NAV1: variants seen among roughly 807,000 people sequenced by gnomAD.
NAV1 encodes neuron navigator 1, also known as pore membrane and/or filament interacting like protein 3.
NAV1 carries 18 observed loss-of-function variants against 175.2 expected under a neutral mutation model. The ratio of observed to expected loss-of-function variants is 0.10; its 90% CI spans 0.07 to 0.15. The LOEUF (loss-of-function observed/expected upper bound fraction) is 0.15, where lower values mean the gene tolerates loss of function less well. Ranked by LOEUF, NAV1 falls within the 10% of genes least tolerant of loss-of-function variation. The probability of loss-of-function intolerance (pLI) is 1.00; values close to 1 mark genes in which losing one functional copy is unlikely to be tolerated. For missense variants in NAV1, 1,731 were observed against 2,436.6 expected (o/e 0.71, Z 6.10); for synonymous variants, 897 against 978.7 (o/e 0.92, Z 1.56).
chr1:201,649,959 G>T (rs914782525), intron 1 of NAV1, among the ~76,000 whole-genome samples: 2 of 152,142 alleles, frequency 1.3e-5, no homozygotes, highest in African/African-American at 4.8e-5. Flanking sequence ...TCCCCGCGGT[G>T]TGAGGATTCT....
intron 29 of NAV1, 61 bp downstream of exon 33, chr1:201,817,346 C>A: frequency 6.7e-7 from 1 of 1,493,692 alleles, no homozygotes; most frequent in Non-Finnish European, 9.1e-7. Flanking sequence ...TATTGACCAG[C>A]AGGGTGGCTC....
At chr1:201,605,106 G>T (rs996821764) in intron 2 of NAV1, among the ~76,000 whole-genome samples, 1 of 151,754 alleles carries the variant, frequency 6.6e-6, no homozygotes, top group Non-Finnish European at 1.5e-5. Context: ...GCACCAGGGA[G>T]GTTGCTTGTT....
chr1:201,685,596 G>GTTA (rs1365748209), intron 1 of NAV1, among the ~76,000 whole-genome samples: 2 of 152,306 alleles, frequency 1.3e-5, no homozygotes, highest in East Asian at 1.9e-4. Context: ...ACTGGGATCC[G>GTTA]TTACCGCCTG....
chr1:201,771,463 C>T (rs1437357325), intron 3 of NAV1, among the ~76,000 whole-genome samples: 1 of 145,688 alleles, frequency 6.9e-6, no homozygotes, highest in Non-Finnish European at 1.5e-5. Context: ...CACACCATTG[C>T]ACTCCAGCCT....
chr1:201,739,976 G>A (rs1673299841), intron 3 of NAV1: 4 of 1,441,198 alleles, frequency 2.8e-6, no homozygotes, highest in Non-Finnish European at 2.7e-6. Flanking sequence ...AGCGGTCCTG[G>A]GGGGCGCTGG....
At chr1:201,809,330 G>C (rs1288005642) in intron 21 of NAV1, 69 bp downstream of exon 25, 2 of 1,596,104 alleles carry the variant, frequency 1.3e-6, no homozygotes, top group Non-Finnish European at 1.7e-6. Context: ...AGAAAATCTG[G>C]ACCCTGGGTA....
chr1:201,552,833 CG>C (rs1292246990), intron 1 of NAV1, among the ~76,000 whole-genome samples: 1 of 152,170 alleles, frequency 6.6e-6, no homozygotes, highest in Non-Finnish European at 1.5e-5. Context: ...GACTATACTT[CG>C]GGGTAGATTT....
chr1:201,597,684 C>T (rs1667393530), intron 2 of NAV1, among the ~76,000 whole-genome samples: 2 of 152,326 alleles, frequency 1.3e-5, no homozygotes, highest in African/African-American at 4.8e-5. Flanking sequence ...GCACAGGAGC[C>T]GGGTTTCCTC....
At chr1:201,686,607 CT>C (rs1229929759) in intron 1 of NAV1, among the ~76,000 whole-genome samples, 1 of 152,190 alleles carries the variant, frequency 6.6e-6, no homozygotes, top group African/African-American at 2.4e-5. Context: ...ATCTTGTGAT[CT>C]TGTTTCAAGA....
chr1:201,758,370 T>C (rs1395274066), intron 3 of NAV1, among the ~76,000 whole-genome samples: 1 of 152,256 alleles, frequency 6.6e-6, no homozygotes, highest in African/African-American at 2.4e-5. Flanking sequence ...CTTTGGAAAC[T>C]GTAGGAACCA....
intron 11 of NAV1, among the ~76,000 whole-genome samples, chr1:201,790,015 G>A (rs1444266671): frequency 6.6e-6 from 1 of 152,198 alleles, no homozygotes; most frequent in Admixed American, 6.5e-5. Flanking sequence ...CAGCTCCTGA[G>A]CAACTCTGGT....
chr1:201,809,829 G>C lies in NAV1; in HGVS notation c.4402-117G>C, dbSNP rs1397038683. On this transcript the variant is annotated intron_variant, in intron 22 of 29. Transcript: ENST00000367296. ...TATGGAGAAATGCTACCTAGGAAAA[G>C]CATATGCTCTGCACTTTCTCCATCT... The C allele has an allele frequency of 2.9e-6, 3 of 1,025,490 alleles. No homozygotes were observed. In the African/African-American group the frequency reaches 4.8e-5, roughly 16 times the overall value. 63.5% of individuals were successfully genotyped at this position (1,025,490 alleles called of 1,614,324 possible). A position where few individuals can be genotyped will look rare whatever the true frequency, so the allele number is the denominator to read the frequency against.
chr1:201,730,228 G>T (rs1289611595), intron 3 of NAV1, among the ~76,000 whole-genome samples: 1 of 152,158 alleles, frequency 6.6e-6, no homozygotes. Context: ...CACTAATATG[G>T]CATTATCTTA....
At position 201,750,566 on chromosome 1, in the gene NAV1, C is replaced by G. The variant is rs1674042815; in HGVS notation, c.1227-29855C>G. On this transcript the variant is annotated intron_variant, in intron 3 of 29. Transcript: ENST00000367296. This position sits in a 1 kb window ranked among gnomAD's most constrained non-coding sequence, Gnocchi z 4.1. ...GGTCTTTTCCATGTCTTTCTTTCTCCAAATCTATATGAGATCTAAATAAGC... is the reference window on the plus strand; with the variant it reads ...GGTCTTTTCCATGTCTTTCTTTCTCGAAATCTATATGAGATCTAAATAAGC... 6.6e-6 allele frequency among the ~76,000 whole-genome samples: 1 copy of G among 152,106 alleles called. No homozygotes were observed. Among genetic ancestry groups the G allele is most frequent in the Non-Finnish European group, 1.5e-5 (1 of 68,006 alleles).
chr1:201,667,904 A>T (rs1669890026), intron 1 of NAV1, among the ~76,000 whole-genome samples: 1 of 151,872 alleles, frequency 6.6e-6, no homozygotes, highest in Non-Finnish European at 1.5e-5. Context: ...ACATGCCCAG[A>T]CCTTGATGTT....
intron 3 of NAV1, chr1:201,739,996 C>G: frequency 1.4e-6 from 2 of 1,455,948 alleles, no homozygotes; most frequent in South Asian, 1.4e-5. Context: ...GGTGCCCACC[C>G]GGTGAATGGC....
At chr1:201,598,699 C>T (rs747815444) in intron 2 of NAV1, among the ~76,000 whole-genome samples, 14 of 152,198 alleles carry the variant, frequency 9.2e-5, no homozygotes, top group Admixed American at 2.0e-4. Flanking sequence ...ATTGCCTTCC[C>T]CCGACTAGAA....
chr1:201,578,724 G>A (rs749880238), intron 1 of NAV1, among the ~76,000 whole-genome samples: 2 of 152,194 alleles, frequency 1.3e-5, no homozygotes, highest in Non-Finnish European at 2.9e-5. Context: ...CGCTGCCCTG[G>A]ATGAAAGTGG....
chr1:201,782,652 A>C lies in NAV1; in HGVS notation c.2140A>C (p.Arg714=). The C allele has an allele frequency of 6.2e-7, 1 of 1,614,152 alleles. No homozygotes were observed. The stretch of plus-strand genomic sequence containing the variant: ...CAAGCAGGGAGGCCTTACGCCTTCC[A>C]GACTGAAGGAGCCTACCAAGGTAGC... Residue 714 remains arginine (R), a synonymous_variant, in exon 6 of 30, where the codon AGA becomes CGA. Coordinates refer to ENST00000367296, the Ensembl canonical transcript of NAV1. The surrounding 1 kb of genome is among the most constrained non-coding windows in gnomAD (Gnocchi z 5.4).
Sources: allele counts gnomAD v4.1 joint callset (sites outside exome capture counted in the v4.1 genomes callset), GRCh38; gene constraint gnomAD v4.1.1; non-coding constraint Gnocchi (gnomAD v3.1); transcripts MANE v1.5; gene names NCBI Gene and HGNC (gene_info 2026-07-23, HGNC 2026-07-21).